WDR70: variants seen among roughly 807,000 people sequenced by gnomAD.
WDR70 encodes the protein WD repeat domain 70, also known as WD repeat-containing protein 70.
Under a neutral mutation model 88.6 loss-of-function variants are expected in WDR70, and 53 were observed. The observed-to-expected ratio is 0.60, with a 90% CI of 0.48 to 0.75. WDR70 has a LOEUF of 0.75. WDR70 is among the 30% of genes least tolerant of loss of function. The pLI, the probability that WDR70 is intolerant of heterozygous loss-of-function variation, is 0.00. For missense variants in WDR70, 610 were observed against 823.2 expected, an observed-to-expected ratio of 0.74 and a Z score of 3.17; for synonymous variants, 280 against 270.0, an observed-to-expected ratio of 1.04 and a Z score of -0.36.
In WDR70 at chr5:37,717,347, G is replaced by A. The variant is rs181622582; in HGVS notation, c.1417-3768G>A. Among the ~76,000 whole-genome samples, 459 of 152,302 alleles carry A rather than the reference G, an allele frequency of 3.0e-3. 1 individual carries two copies. Among genetic ancestry groups the A allele is most frequent in the Middle Eastern group, 0.01 (3 of 294 alleles). On this transcript the variant is annotated intron_variant, in intron 13 of 17. Coordinates refer to ENST00000265107, the MANE Select transcript of WDR70 (RefSeq NM_018034.4). ...GCACTGCAGTGGCCTTCTGCCATTG[G>A]AATCTCATGATATAATGTGAGGGCT...
At chr5:37,733,419 A>G (rs773311442) in intron 17 of WDR70, among the ~76,000 whole-genome samples, 8 of 152,158 alleles carry the variant, frequency 5.3e-5, no homozygotes, top group Non-Finnish European at 1.2e-4. Context: ...CTACCATAGT[A>G]GAGTTCTAAT....
At chr5:37,396,683 G>C (rs1159803018) in intron 5 of WDR70, 113 bp downstream of exon 5, 4 of 1,422,126 alleles carry the variant, frequency 2.8e-6, no homozygotes, top group Admixed American at 2.8e-5. Context: ...ACTGAGGAAA[G>C]GCCGGGCATG....
intron 9 of WDR70, among the ~76,000 whole-genome samples, chr5:37,532,186 G>T (rs1207016303): frequency 1.3e-5 from 2 of 152,110 alleles, no homozygotes; most frequent in Non-Finnish European, 2.9e-5. Context: ...TCACAGCTCT[G>T]AAGATTCTTT....
At chr5:37,714,051 C>T (rs1053122071) in intron 13 of WDR70, among the ~76,000 whole-genome samples, 1 of 152,018 alleles carries the variant, frequency 6.6e-6, no homozygotes, top group Non-Finnish European at 1.5e-5. Flanking sequence ...GTTGTGAGAC[C>T]CCCAAAGGAC....
chr5:37,514,530 ATGT>A (rs2112252204), intron 8 of WDR70, among the ~76,000 whole-genome samples: 1 of 150,950 alleles, frequency 6.6e-6, no homozygotes, highest in African/African-American at 2.4e-5. Context: ...ATTCTTCCTG[ATGT>A]TCTCCTTCCT....
intron 9 of WDR70, among the ~76,000 whole-genome samples, chr5:37,565,705 T>A (rs1389085783): frequency 3.3e-5 from 5 of 152,158 alleles, no homozygotes; most frequent in Admixed American, 1.3e-4. Context: ...TTAAATGGGT[T>A]CATCAAGATG....
chr5:37,592,289 C>A (rs1743553745), intron 9 of WDR70, among the ~76,000 whole-genome samples: 1 of 152,040 alleles, frequency 6.6e-6, no homozygotes, highest in South Asian at 2.1e-4. Flanking sequence ...GTACATTGAA[C>A]CATTAGAAGG....
intron 10 of WDR70, among the ~76,000 whole-genome samples, chr5:37,680,981 A>G (rs576017050): frequency 1.3e-5 from 2 of 152,324 alleles, no homozygotes; most frequent in African/African-American, 2.4e-5. Flanking sequence ...GAAGAATATC[A>G]TTAGTAGTTT....
Position 37,442,881 on chromosome 5 carries a change from G to GA in WDR70, c.553-354dup, listed in dbSNP as rs200425511. ...AAAAGTTTTCCTCAGATTGTATGTT[G>GA]AAAATGCTGAATTATTGTAATTATT... On this transcript the variant is annotated intron_variant, in intron 6 of 17. Coordinates refer to ENST00000265107, the MANE Select transcript of WDR70 (RefSeq NM_018034.4). Among the ~76,000 whole-genome samples, 142 of 152,268 alleles carry GA rather than the reference G, an allele frequency of 9.3e-4. 1 individual carries two copies. In the East Asian group the frequency reaches 0.022, roughly 24 times the overall value.
chr5:37,536,770 T>C (rs1205628191), intron 9 of WDR70, among the ~76,000 whole-genome samples: 1 of 152,092 alleles, frequency 6.6e-6, no homozygotes, highest in East Asian at 1.9e-4. Flanking sequence ...AGTTTTTCAC[T>C]GAAAAAAAAT....
chr5:37,736,928 C>T (rs1159361981), intron 17 of WDR70, among the ~76,000 whole-genome samples: 1 of 151,998 alleles, frequency 6.6e-6, no homozygotes, highest in African/African-American at 2.4e-5. Flanking sequence ...TTCAAATTTA[C>T]TGACTAGATT....
At chr5:37,730,273 A>C (rs1748106246) in intron 17 of WDR70, among the ~76,000 whole-genome samples, 1 of 152,176 alleles carries the variant, frequency 6.6e-6, no homozygotes, top group African/African-American at 2.4e-5. Flanking sequence ...GAACTTTGGG[A>C]ATACTATTTA....
chr5:37,718,213 T>TC (rs1393114617), intron 13 of WDR70, among the ~76,000 whole-genome samples: 1 of 152,144 alleles, frequency 6.6e-6, no homozygotes. Context: ...AGGTGAGGTG[T>TC]CCTTGGACTC....
intron 9 of WDR70, among the ~76,000 whole-genome samples, chr5:37,602,854 G>A (rs559145778): frequency 7.2e-5 from 11 of 152,204 alleles, no homozygotes; most frequent in African/African-American, 1.9e-4. Context: ...GCATGCGCCT[G>A]TAATGCCAGC....
At chr5:37,562,034 A>G (rs1055110527) in intron 9 of WDR70, among the ~76,000 whole-genome samples, 1 of 152,102 alleles carries the variant, frequency 6.6e-6, no homozygotes, top group East Asian at 1.9e-4. Flanking sequence ...ATTTTATGTC[A>G]TTAAGTGAAA....
intron 10 of WDR70, among the ~76,000 whole-genome samples, chr5:37,617,680 A>G (rs1744382848): frequency 6.6e-6 from 1 of 152,228 alleles, no homozygotes; most frequent in African/African-American, 2.4e-5. Context: ...TATGTAAACC[A>G]TCCATAGCAG....
intron 8 of WDR70, among the ~76,000 whole-genome samples, chr5:37,484,308 C>G (rs1284587158): frequency 6.6e-6 from 1 of 152,240 alleles, no homozygotes; most frequent in African/African-American, 2.4e-5. Context: ...ATCCCGGCAC[C>G]TCGGGAGGCT....
intron 10 of WDR70, among the ~76,000 whole-genome samples, chr5:37,622,361 A>C (rs974850598): frequency 6.6e-6 from 1 of 151,798 alleles, no homozygotes; most frequent in Admixed American, 6.6e-5. Flanking sequence ...AGAACTAGAA[A>C]TACCATTTGA....
chr5:37,639,474 T>G (rs72740978), intron 10 of WDR70, among the ~76,000 whole-genome samples: 7,198 of 152,298 alleles, frequency 0.047, 204 homozygotes, highest in Middle Eastern at 0.13. Context: ...GGAACTCTGA[T>G]CTGTGAACCT....
Sources: allele counts gnomAD v4.1 joint callset (sites outside exome capture counted in the v4.1 genomes callset), GRCh38; gene constraint gnomAD v4.1.1; transcripts MANE v1.5; gene names NCBI Gene and HGNC (gene_info 2026-07-23, HGNC 2026-07-21).